The following PCMT1 variants were observed in gnomAD, a reference collection of about 807,000 sequenced individuals.
The protein encoded by PCMT1 is protein-L-isoaspartate (D-aspartate) O-methyltransferase.
Under a neutral mutation model 29.2 loss-of-function variants are expected in PCMT1, and 9 were observed. That is an observed-to-expected ratio of 0.31 (90% CI 0.19 to 0.54). The LOEUF (loss-of-function observed/expected upper bound fraction) is 0.54. PCMT1 is among the 20% of genes least tolerant of loss of function. The pLI is 0.95. For synonymous variants in PCMT1, 98 were observed against 97.5 expected, an observed-to-expected ratio of 1.00 and a Z score of -0.03; for missense variants, 184 against 282.2, an observed-to-expected ratio of 0.65 and a Z score of 2.49.
At chr6:149,786,112 G>A (rs12178835) in intron 3 of PCMT1, among the ~76,000 whole-genome samples, 32,459 of 85,054 alleles carry the variant, frequency 0.38, 9,803 homozygotes, top group East Asian at 0.82. Flanking sequence ...AGGGGCGGCC[G>A]GGCAGAGGCG....
At chr6:149,787,062 G>A (rs562199718) in intron 3 of PCMT1, among the ~76,000 whole-genome samples, 1 of 135,658 alleles carries the variant, frequency 7.4e-6, no homozygotes, top group Admixed American at 7.6e-5. Flanking sequence ...GGATCACTCC[G>A]GTTAGGAGCT....
chr6:149,761,699 T>G (rs894778196), intron 1 of PCMT1, among the ~76,000 whole-genome samples: 15 of 152,330 alleles, frequency 9.8e-5, no homozygotes, highest in Middle Eastern at 3.4e-3. Flanking sequence ...ATTTATAAAC[T>G]GACACTACCT....
chr6:149,765,341 C>CA (rs1787036199), intron 1 of PCMT1, among the ~76,000 whole-genome samples: 1 of 109,156 alleles, frequency 9.2e-6, no homozygotes, highest in East Asian at 2.8e-4. Context: ...GCCTGGGAGA[C>CA]AGAGCGAGAC....
intron 1 of PCMT1, 27 bp downstream of exon 1, chr6:149,749,983 G>C: frequency 6.3e-7 from 1 of 1,594,872 alleles, no homozygotes; most frequent in Non-Finnish European, 8.5e-7. Context: ...CCCGTTGTAG[G>C]GCAGCTGGGG....
At chr6:149,792,830 A>G (rs1008516048) in intron 4 of PCMT1, among the ~76,000 whole-genome samples, 2 of 152,008 alleles carry the variant, frequency 1.3e-5, no homozygotes, top group African/African-American at 2.4e-5. Flanking sequence ...CATGTTTTCT[A>G]CTAAAAGCAG....
At chr6:149,796,610 C>T in intron 6 of PCMT1, 110 bp downstream of exon 6, 1 of 700,618 alleles carries the variant, frequency 1.4e-6, no homozygotes, top group Non-Finnish European at 2.4e-6. Context: ...ACTTTTATAT[C>T]ATACATTTTG....
intron 1 of PCMT1, among the ~76,000 whole-genome samples, chr6:149,765,979 A>AT (rs769429471): frequency 0.042 from 4,868 of 116,608 alleles, 363 homozygotes; most frequent in East Asian, 0.38. Context: ...AAAAAAAATA[A>AT]ATTTTTTTTT....
chr6:149,775,495 C>T (rs1787524870), intron 3 of PCMT1, among the ~76,000 whole-genome samples: 1 of 151,896 alleles, frequency 6.6e-6, no homozygotes, highest in African/African-American at 2.4e-5. Context: ...CGCTAGAAGC[C>T]AGGAGTTTGA....
intron 1 of PCMT1, among the ~76,000 whole-genome samples, chr6:149,753,438 T>A (rs1786404730): frequency 6.6e-6 from 1 of 152,050 alleles, no homozygotes; most frequent in Non-Finnish European, 1.5e-5. Context: ...GTTCAAGCAA[T>A]TCTCTGGCCT....
chr6:149,787,403 G>C (rs1788164132), intron 3 of PCMT1, among the ~76,000 whole-genome samples: 1 of 150,050 alleles, frequency 6.7e-6, no homozygotes, highest in African/African-American at 2.5e-5. Context: ...ATCTCGCTCT[G>C]TCACCCAGGC....
intron 1 of PCMT1, among the ~76,000 whole-genome samples, chr6:149,753,747 T>C (rs555416183): frequency 5.9e-5 from 9 of 152,242 alleles, no homozygotes; most frequent in African/African-American, 9.6e-5. Context: ...ACTGTGGTTG[T>C]ATGATTTCAT....
chr6:149,780,260 G>A (rs768565729), intron 3 of PCMT1, among the ~76,000 whole-genome samples: 1 of 151,712 alleles, frequency 6.6e-6, no homozygotes, highest in Non-Finnish European at 1.5e-5. Flanking sequence ...AGGATTGCTT[G>A]AGCCTGGGAG....
chr6:149,760,486 T>C (rs762704166), intron 1 of PCMT1, among the ~76,000 whole-genome samples: 21 of 152,182 alleles, frequency 1.4e-4, no homozygotes, highest in Non-Finnish European at 2.6e-4. Context: ...AAAGATAGTT[T>C]ACCTTCACCA....
intron 1 of PCMT1, among the ~76,000 whole-genome samples, chr6:149,766,669 C>T (rs1019396472): frequency 5.9e-5 from 9 of 152,152 alleles, no homozygotes; most frequent in African/African-American, 7.2e-5. Context: ...AGAGATTACA[C>T]GGCTTGCAAA....
At chr6:149,758,876 A>T (rs1016570935) in intron 1 of PCMT1, among the ~76,000 whole-genome samples, 2 of 150,844 alleles carry the variant, frequency 1.3e-5, no homozygotes, top group South Asian at 2.1e-4. Flanking sequence ...TATATTGTGA[A>T]TTTTTTTTTT....
intron 1 of PCMT1, among the ~76,000 whole-genome samples, chr6:149,768,729 C>T (rs780895900): frequency 2.0e-5 from 3 of 151,826 alleles, no homozygotes; most frequent in East Asian, 1.9e-4. Flanking sequence ...TGGGTTCAAG[C>T]GATTCTTGTG....
chr6:149,789,876 T>C (rs999192903), intron 3 of PCMT1, 78 bp from the exon 4 acceptor site: 25 of 893,990 alleles, frequency 2.8e-5, no homozygotes, highest in Non-Finnish European at 4.0e-5. Flanking sequence ...GAAAAATTGG[T>C]AGAAAGTTGG....
chr6:149,793,938 AC>A (rs1282737068), intron 5 of PCMT1, among the ~76,000 whole-genome samples: 1 of 152,134 alleles, frequency 6.6e-6, no homozygotes, highest in Non-Finnish European at 1.5e-5. Flanking sequence ...TTTGTGAAGT[AC>A]CTGTTCAGAT....
chr6:149,795,012 G>A, intron 5 of PCMT1: 8 of 364,974 alleles, frequency 2.2e-5, no homozygotes, highest in South Asian at 1.7e-4. Context: ...GGCCAACATG[G>A]TGAAACCCCG....
Sources: allele counts gnomAD v4.1 joint callset (sites outside exome capture counted in the v4.1 genomes callset), GRCh38; gene constraint gnomAD v4.1.1; transcripts MANE v1.5; gene names NCBI Gene and HGNC (gene_info 2026-07-23, HGNC 2026-07-21).